The following DCC variants were observed in gnomAD, a reference collection of about 807,000 sequenced individuals.
The protein encoded by DCC is DCC netrin 1 receptor.
Under a neutral mutation model 172.5 loss-of-function variants are expected in DCC, and 58 were observed. The observed-to-expected ratio is 0.34, with a 90% CI of 0.27 to 0.42. The LOEUF (loss-of-function observed/expected upper bound fraction) is 0.42, where lower values mean the gene tolerates loss of function less well. DCC is among the 10% of genes least tolerant of loss of function. The pLI is 1.00. For synonymous variants in DCC, 709 were observed against 644.5 expected (o/e 1.10, Z -1.52); for missense variants, 1,740 against 1,791.0 (o/e 0.97, Z 0.51).
intron 24 of DCC, among the ~76,000 whole-genome samples, chr18:53,463,234 T>C (rs1380062221): frequency 1.3e-5 from 2 of 152,204 alleles, no homozygotes. Flanking sequence ...TTTCCTTTCG[T>C]CTTTTATATA....
At chr18:52,424,479 G>A (rs1196802093) in intron 1 of DCC, among the ~76,000 whole-genome samples, 1 of 152,174 alleles carries the variant, frequency 6.6e-6, no homozygotes, top group East Asian at 1.9e-4. Context: ...AAAAGCCATG[G>A]GTATTTTAGA....
At chr18:52,377,053 C>G (rs1034852991) in intron 1 of DCC, among the ~76,000 whole-genome samples, 2 of 152,106 alleles carry the variant, frequency 1.3e-5, no homozygotes, top group Admixed American at 1.3e-4. Flanking sequence ...GGCATAAAAC[C>G]CTTTTGAGAA....
At chr18:53,368,091 T>C (rs1431398336) in intron 15 of DCC, among the ~76,000 whole-genome samples, 2 of 152,262 alleles carry the variant, frequency 1.3e-5, no homozygotes, top group South Asian at 4.1e-4. Flanking sequence ...CCAACACTTG[T>C]TGTTTTGTTT....
intron 12 of DCC, among the ~76,000 whole-genome samples, chr18:53,227,356 A>G (rs28628885): frequency 0.36 from 54,298 of 151,982 alleles, 10,942 homozygotes; most frequent in Non-Finnish European, 0.46. Flanking sequence ...CCAGCATCAT[A>G]CAATCTTAAT....
intron 2 of DCC, among the ~76,000 whole-genome samples, chr18:52,887,560 C>T (rs947385683): frequency 2.0e-4 from 30 of 152,008 alleles, no homozygotes; most frequent in Non-Finnish European, 3.2e-4. Context: ...GGGTCACTTC[C>T]CCTCTTATTC....
chr18:53,039,671 A>G (rs1487918531), intron 5 of DCC, among the ~76,000 whole-genome samples: 2 of 151,942 alleles, frequency 1.3e-5, no homozygotes, highest in Admixed American at 1.3e-4. Context: ...CCTCACCTCC[A>G]CATCTCTCTG....
rs1165054645 is a variant in DCC, at chr18:53,021,871, C to T, written c.986-41434C>T. Reference sequence around the variant, plus strand: ...GGAAAAGCAAGCAGTTGGTTAATGGCTGCATTTGGTTTTATTTGGACTTTA... The same window carrying T: ...GGAAAAGCAAGCAGTTGGTTAATGGTTGCATTTGGTTTTATTTGGACTTTA... On this transcript the variant is annotated intron_variant, in intron 5 of 28. Coordinates refer to ENST00000442544, the MANE Select transcript of DCC (RefSeq NM_005215.4). Among the ~76,000 whole-genome samples, 3 of 152,270 alleles carry T rather than the reference C, an allele frequency of 2.0e-5. No individual in the cohort carries two copies. In the East Asian group the frequency reaches 5.8e-4, roughly 29 times the overall value.
chr18:53,236,132 G>A (rs7231742), intron 12 of DCC, among the ~76,000 whole-genome samples: 125,548 of 152,018 alleles, frequency 0.83, 52,216 homozygotes, highest in Admixed American at 0.89. Flanking sequence ...GAATTTAGAT[G>A]TATGTCTTAC....
chr18:53,003,513 G>A (rs942385265), intron 5 of DCC, among the ~76,000 whole-genome samples: 4 of 152,080 alleles, frequency 2.6e-5, no homozygotes, highest in African/African-American at 9.7e-5. Context: ...GTGTTCATGG[G>A]TTTTAGATGT....
chr18:53,003,665 A>G (rs921220583), intron 5 of DCC, among the ~76,000 whole-genome samples: 4 of 152,068 alleles, frequency 2.6e-5, no homozygotes, highest in African/African-American at 9.7e-5. Context: ...ACTCCAATTT[A>G]TGGTGAAGGT....
At chr18:52,505,963 T>C (rs2031215813) in intron 1 of DCC, among the ~76,000 whole-genome samples, 1 of 152,132 alleles carries the variant, frequency 6.6e-6, no homozygotes, top group Non-Finnish European at 1.5e-5. Flanking sequence ...AATATTTCCT[T>C]TGGTTGTGAG....
At chr18:52,810,128 A>G (rs988206265) in intron 2 of DCC, among the ~76,000 whole-genome samples, 1 of 152,216 alleles carries the variant, frequency 6.6e-6, no homozygotes, top group African/African-American at 2.4e-5. Context: ...AACAAATTGG[A>G]TATAGTTTAC....
chr18:52,656,953 G>T (rs2035266768), intron 1 of DCC, among the ~76,000 whole-genome samples: 1 of 152,064 alleles, frequency 6.6e-6, no homozygotes, highest in Admixed American at 6.6e-5. Flanking sequence ...CTGTCCTATT[G>T]TGACTCTTTT....
At chr18:53,435,839 G>A (rs781770612) in intron 22 of DCC, among the ~76,000 whole-genome samples, 5 of 152,144 alleles carry the variant, frequency 3.3e-5, no homozygotes, top group African/African-American at 4.8e-5. Context: ...CTGCATTCCA[G>A]GATCTTATCC....
rs80110976 is a variant in DCC at position 52,432,443 on chromosome 18, C to T, written c.91+91565C>T. Among the ~76,000 whole-genome samples the T allele has an allele frequency of 6.3e-3, 956 of 152,296 alleles. 6 individuals are homozygous for T. Among genetic ancestry groups the T allele is most frequent in the African/African-American group, 0.021 (889 of 41,566 alleles). ...GGGACCAAATAAAGGAATGTCCCTCCTGCTTCTCACATCTAATTTTTGCCT... is the reference window on the plus strand; with the variant it reads ...GGGACCAAATAAAGGAATGTCCCTCTTGCTTCTCACATCTAATTTTTGCCT... On this transcript the variant is annotated intron_variant, in intron 1 of 28. Coordinates refer to ENST00000442544, the MANE Select transcript of DCC (RefSeq NM_005215.4).
chr18:52,974,588 G>T lies in DCC; in HGVS notation c.985+49218G>T, dbSNP rs142495325. Reference sequence around the variant, plus strand: ...CACAGGGTGGCCTGTAGAATCTAATGCAGGGAGGCTCTGAGAATATATGAG... The same window carrying T: ...CACAGGGTGGCCTGTAGAATCTAATTCAGGGAGGCTCTGAGAATATATGAG... On this transcript the variant is annotated intron_variant, in intron 5 of 28. Coordinates refer to ENST00000442544, the MANE Select transcript of DCC (RefSeq NM_005215.4). Among the ~76,000 whole-genome samples, 169 of 152,282 alleles carry T rather than the reference G, an allele frequency of 1.1e-3. 3 individuals are homozygous for T. The East Asian group carries it at 0.026, about 23-fold the overall frequency.
chr18:53,035,069 T>A (rs1472494532), intron 5 of DCC, among the ~76,000 whole-genome samples: 2 of 152,094 alleles, frequency 1.3e-5, no homozygotes, highest in East Asian at 3.9e-4. Flanking sequence ...TTGTACATAT[T>A]TTGAGGATAC....
intron 5 of DCC, among the ~76,000 whole-genome samples, chr18:52,930,713 C>A (rs1157527017): frequency 1.3e-5 from 2 of 152,110 alleles, no homozygotes; most frequent in African/African-American, 2.4e-5. Context: ...TCTTTTTTGA[C>A]CTTCATACAT....
intron 2 of DCC, among the ~76,000 whole-genome samples, chr18:52,828,023 A>G (rs980843138): frequency 6.6e-6 from 1 of 152,062 alleles, no homozygotes; most frequent in Non-Finnish European, 1.5e-5. Context: ...CAGAGGTCAC[A>G]CAAATTAGGT....
Sources: allele counts gnomAD v4.1 joint callset (sites outside exome capture counted in the v4.1 genomes callset), GRCh38; gene constraint gnomAD v4.1.1; transcripts MANE v1.5; gene names NCBI Gene and HGNC (gene_info 2026-07-23, HGNC 2026-07-21).